Variants in RBPJ observed in about 807,000 individuals in gnomAD.
RBPJ encodes recombining binding protein suppressor of hairless.
RBPJ carries 9 observed loss-of-function variants against 67.8 expected under a neutral mutation model. The observed-to-expected ratio is 0.13, with a 90% CI of 0.08 to 0.23. The LOEUF (loss-of-function observed/expected upper bound fraction) is 0.23, where lower values mean the gene tolerates loss of function less well. Ranked by LOEUF, RBPJ falls within the 10% of genes least tolerant of loss-of-function variation. The probability of loss-of-function intolerance (pLI) is 1.00; values close to 1 mark genes in which losing one functional copy is unlikely to be tolerated. For synonymous variants in RBPJ, 198 were observed against 203.3 expected (o/e 0.97, Z 0.22); for missense variants, 305 against 595.6 (o/e 0.51, Z 5.08).
chr4:26,374,792 T>C (rs1729539285), intron 1 of RBPJ, among the ~76,000 whole-genome samples: 1 of 152,310 alleles, frequency 6.6e-6, no homozygotes, highest in Middle Eastern at 3.4e-3. Flanking sequence ...CACAACATAG[T>C]GTCCATAATT....
At chr4:26,349,326 CGTCCCAAA>C (rs1726556910) in intron 1 of RBPJ, among the ~76,000 whole-genome samples, 1 of 152,176 alleles carries the variant, frequency 6.6e-6, no homozygotes, top group African/African-American at 2.4e-5. Context: ...CCCACCTCAG[CGTCCCAAA>C]GTGCTGGGAT....
chr4:26,238,508 A>G (rs1205991830), intron 1 of RBPJ, among the ~76,000 whole-genome samples: 1 of 152,238 alleles, frequency 6.6e-6, no homozygotes, highest in Non-Finnish European at 1.5e-5. Context: ...GCACACTACA[A>G]GAGTTTTATA....
At chr4:26,224,742 A>C (rs1303214829) in intron 1 of RBPJ, among the ~76,000 whole-genome samples, 1 of 152,228 alleles carries the variant, frequency 6.6e-6, no homozygotes, top group African/African-American at 2.4e-5. Context: ...GTTGCTTAAT[A>C]CATGTTTGCT....
In RBPJ at chr4:26,428,902, T is replaced by C. The variant is rs1041412326; in HGVS notation, c.888+42T>C. 4 of 1,518,518 alleles carry C rather than the reference T, an allele frequency of 2.6e-6. No individual in the cohort carries two copies. The African/African-American group carries it at 5.5e-5, about 21-fold the overall frequency. 94.1% of individuals were successfully genotyped at this position (1,518,518 alleles called of 1,614,324 possible). On this transcript the variant is annotated intron_variant, in intron 8 of 10. Coordinates refer to ENST00000355476, the MANE Select transcript of RBPJ (RefSeq NM_015874.6). ...CTGGTGAAATCTAAAATGTACAAAC[T>C]GTGAGGTTAGCAGCTTGCAAAAATA... is the stretch of plus-strand genomic sequence containing the variant.
chr4:26,152,376 G>T, the RBPJ span, among the ~76,000 whole-genome samples: 1 of 152,156 alleles, frequency 6.6e-6, no homozygotes, highest in African/African-American at 2.4e-5. Flanking sequence ...CAGTCAATCC[G>T]CAATGGACCC....
At chr4:26,316,683 T>TACAC (rs1284331469), upstream of RBPJ, among the ~76,000 whole-genome samples, 2 of 145,176 alleles carry the variant, frequency 1.4e-5, no homozygotes, top group African/African-American at 2.5e-5. Context: ...CATATATATA[T>TACAC]ATACACATAT....
chr4:26,293,310 C>CTTTT lies in RBPJ; in HGVS notation c.-166-69128_-166-69125dup, dbSNP rs113547409. On this transcript the variant is annotated intron_variant, in intron 1 of 4. Coordinates refer to the RBPJ transcript ENST00000512351. ...TCTGGAAGGTGGTGCCCTCAGCTTC[C>CTTTT]TTTTTTTTTTTATTTTGTTTATTGC... Among the ~76,000 whole-genome samples the CTTTT allele has an allele frequency of 2.1e-5, 3 of 144,458 alleles. No homozygotes were observed. The Admixed American group carries it at 2.1e-4, about 10-fold the overall frequency. The allele number at this position is 144,458 out of a possible 152,430, so 94.8% of individuals were successfully genotyped here.
intron 1 of RBPJ, among the ~76,000 whole-genome samples, chr4:26,331,818 A>C (rs568290115): frequency 5.9e-5 from 9 of 152,342 alleles, no homozygotes; most frequent in African/African-American, 1.9e-4. Flanking sequence ...TGCCACCTGC[A>C]ATAAATTGCA....
chr4:26,267,001 A>G (rs1351546716), intron 1 of RBPJ, among the ~76,000 whole-genome samples: 1 of 152,232 alleles, frequency 6.6e-6, no homozygotes, highest in Admixed American at 6.5e-5. Context: ...ATTAACTTCC[A>G]AAACACAGAT....
intron 1 of RBPJ, among the ~76,000 whole-genome samples, chr4:26,236,255 T>C (rs1281826015): frequency 1.3e-5 from 2 of 152,134 alleles, no homozygotes; most frequent in Non-Finnish European, 2.9e-5. Context: ...CAATTTAACC[T>C]CTCTTATAGC....
At chr4:26,143,428 C>T in the RBPJ span, among the ~76,000 whole-genome samples, 1 of 152,238 alleles carries the variant, frequency 6.6e-6, no homozygotes, top group Admixed American at 6.5e-5. Context: ...TTCCAGGGCC[C>T]TGTGTTACTT....
chr4:26,244,345 G>A (rs1015708094), intron 1 of RBPJ, among the ~76,000 whole-genome samples: 4 of 94,816 alleles, frequency 4.2e-5, no homozygotes, highest in East Asian at 1.0e-3. Context: ...GTACACATAT[G>A]TGTGTATATA....
At position 26,287,508 on chromosome 4, in the gene RBPJ, ATGC is replaced by A. The variant is rs1268089643; in HGVS notation, c.-166-74931_-166-74929del. On this transcript the variant is annotated intron_variant, in intron 1 of 4. Transcript: ENST00000512351. ...ATGGAGGCTACAGTAAGTTGTAATC[ATGC>A]TGCTGCAGTCCAGCTTGGCTGACAA... Among the ~76,000 whole-genome samples the A allele has an allele frequency of 2.0e-5, 3 of 148,526 alleles. No individual in the cohort carries two copies. In the East Asian group the frequency reaches 6.0e-4, roughly 30 times the overall value.
intron 1 of RBPJ, among the ~76,000 whole-genome samples, chr4:26,248,846 G>T (rs946404061): frequency 1.5e-4 from 23 of 152,190 alleles, no homozygotes; most frequent in African/African-American, 5.5e-4. Context: ...CAGCAAGCAG[G>T]ATTTTCTTGG....
intron 1 of RBPJ, among the ~76,000 whole-genome samples, chr4:26,200,511 A>G (rs1012972479): frequency 6.6e-6 from 1 of 152,160 alleles, no homozygotes; most frequent in Non-Finnish European, 1.5e-5. Context: ...TCTACAAAAA[A>G]TAAGAAGAAA....
At chr4:26,390,880 C>A (rs1431763510) in intron 2 of RBPJ, among the ~76,000 whole-genome samples, 2 of 152,112 alleles carry the variant, frequency 1.3e-5, no homozygotes, top group African/African-American at 4.8e-5. Flanking sequence ...CCAAGTGAGA[C>A]CTTGTCTCTA....
intron 1 of RBPJ, among the ~76,000 whole-genome samples, chr4:26,373,915 CTTTTTTTTTTTTT>C (rs765161799): frequency 1.5e-3 from 166 of 113,292 alleles, no homozygotes; most frequent in Non-Finnish European, 2.4e-3. Flanking sequence ...TTATTTTTTA[CTTTTTTTTTTTTT>C]TTTTTTTGGA....
intron 1 of RBPJ, among the ~76,000 whole-genome samples, chr4:26,235,364 T>C (rs967155320): frequency 6.6e-6 from 1 of 152,272 alleles, no homozygotes; most frequent in Non-Finnish European, 1.5e-5. Context: ...CTAAATAAGA[T>C]GTGTAACTTT....
At chr4:26,187,890 T>C (rs1717330619) in intron 1 of RBPJ, among the ~76,000 whole-genome samples, 1 of 151,824 alleles carries the variant, frequency 6.6e-6, no homozygotes, top group Non-Finnish European at 1.5e-5. Context: ...AGCCAGGTGT[T>C]GTAGCACACT....
Sources: gnomAD v4.1 joint callset for allele counts (sites outside exome capture counted in the v4.1 genomes callset) on GRCh38, gnomAD v4.1.1 for gene constraint, MANE v1.5 for transcripts, NCBI Gene and HGNC (gene_info 2026-07-23, HGNC 2026-07-21) for gene names.